The following UGGT2 variants were observed in gnomAD, a reference collection of about 807,000 sequenced individuals.
UGGT2 encodes the protein UDP-glucose:glycoprotein glucosyltransferase 2.
UGGT2 carries 180 observed loss-of-function variants against 192.1 expected under a neutral mutation model. That is an observed-to-expected ratio of 0.94 (90% CI 0.83 to 1.06). The LOEUF (loss-of-function observed/expected upper bound fraction) is 1.06. UGGT2 is among the 50% of genes least tolerant of loss of function. UGGT2 has a pLI of 0.00. For synonymous variants in UGGT2, 580 were observed against 591.0 expected, an observed-to-expected ratio of 0.98 and a Z score of 0.27; for missense variants, 1,849 against 1,795.7, an observed-to-expected ratio of 1.03 and a Z score of -0.54.
chr13:96,036,197 T>G (rs1466715752), intron 1 of UGGT2, among the ~76,000 whole-genome samples: 2 of 152,216 alleles, frequency 1.3e-5, no homozygotes, highest in Non-Finnish European at 2.9e-5. Context: ...ATGTGGTATA[T>G]ATACACTACA....
intron 4 of UGGT2, 87 bp downstream of exon 4, chr13:96,022,953 T>A: frequency 2.4e-6 from 2 of 848,648 alleles, no homozygotes; most frequent in Non-Finnish European, 3.3e-6. Context: ...TCTTAGAATA[T>A]TAAATTTTTT....
Position 95,927,128 on chromosome 13 carries a change from T to C in UGGT2, c.2102-2A>G. On this transcript the variant is annotated splice_acceptor_variant, in intron 18 of 38. Coordinates refer to ENST00000376747, the MANE Select transcript of UGGT2 (RefSeq NM_020121.4). LOFTEE classifies it high-confidence loss of function. The stretch of plus-strand genomic sequence containing the variant: ...AGAAATCTTCAACATCAGCAGTTAC[T>C]GAAAAATTTCAAATTAAACGTTAAA... 3 of 1,607,070 alleles carry C rather than the reference T, an allele frequency of 1.9e-6. No individual in the cohort carries two copies. The highest frequency in any genetic ancestry group is 1.1e-5 in the South Asian group (1 of 89,464).
At chr13:95,913,177 G>C (rs147866266) in intron 20 of UGGT2, among the ~76,000 whole-genome samples, 2 of 152,278 alleles carry the variant, frequency 1.3e-5, no homozygotes, top group African/African-American at 4.8e-5. Flanking sequence ...CATAGGCATG[G>C]TCAAGGACTT....
chr13:95,843,773 G>A (rs1030328386), intron 36 of UGGT2, among the ~76,000 whole-genome samples: 7 of 151,886 alleles, frequency 4.6e-5, no homozygotes, highest in East Asian at 1.9e-4. Context: ...AAAGTCAACC[G>A]GCCATATATG....
At chr13:95,855,106 TAAAA>T (rs10713359) in intron 34 of UGGT2, among the ~76,000 whole-genome samples, 308 of 49,934 alleles carry the variant, frequency 6.2e-3, no homozygotes, top group Middle Eastern at 0.015. Context: ...ACCCTGTCTG[TAAAA>T]AAAAAAAAAA....
chr13:95,924,829 GCA>G (rs2140425572), intron 20 of UGGT2, among the ~76,000 whole-genome samples: 1 of 152,268 alleles, frequency 6.6e-6, no homozygotes, highest in East Asian at 1.9e-4. Flanking sequence ...TCCTGCAGTG[GCA>G]TGTAAGTGAG....
chr13:96,023,294 C>G (rs187341288), intron 3 of UGGT2, 142 bp from the exon 4 acceptor site: 3 of 629,796 alleles, frequency 4.8e-6, no homozygotes, highest in East Asian at 3.4e-5. Context: ...AACATCTATA[C>G]GTAGGTAGAA....
chr13:95,987,595 A>G (rs2051328692), intron 8 of UGGT2, among the ~76,000 whole-genome samples: 1 of 152,198 alleles, frequency 6.6e-6, no homozygotes, highest in South Asian at 2.1e-4. Context: ...GAAAGAGACT[A>G]TCTGAAATTA....
intron 1 of UGGT2, among the ~76,000 whole-genome samples, chr13:96,048,389 T>C (rs2139233933): frequency 6.6e-6 from 1 of 152,168 alleles, no homozygotes; most frequent in East Asian, 1.9e-4. Flanking sequence ...GCAGGAAAGA[T>C]CTAAAATTGA....
intron 27 of UGGT2, among the ~76,000 whole-genome samples, chr13:95,878,947 G>T (rs1017807960): frequency 3.9e-5 from 6 of 152,192 alleles, no homozygotes; most frequent in African/African-American, 1.4e-4. Context: ...ATTAGTTGTT[G>T]AATTACTATT....
In UGGT2 at chr13:95,993,406, AAAATT is replaced by A. The variant is rs564318656; in HGVS notation, c.830+2652_830+2656del. ...TCTAAAATAGAAGTTGAAATAAAAT[AAAATT>A]AAATTAAAATTAAAATAGCCCAGTG... On this transcript the variant is annotated intron_variant, in intron 7 of 38. Coordinates refer to ENST00000376747, the MANE Select transcript of UGGT2 (RefSeq NM_020121.4). 5.1e-4 allele frequency among the ~76,000 whole-genome samples: 77 copies of A among 152,268 alleles called. 1 individual carries two copies. The highest frequency in any genetic ancestry group is 1.7e-3 in the African/African-American group (72 of 41,532).
At chr13:95,982,110 A>G (rs907673570) in intron 10 of UGGT2, among the ~76,000 whole-genome samples, 2 of 152,166 alleles carry the variant, frequency 1.3e-5, no homozygotes, top group Non-Finnish European at 2.9e-5. Flanking sequence ...ACAGGTAGAT[A>G]AGGTGATGGC....
intron 20 of UGGT2, among the ~76,000 whole-genome samples, chr13:95,909,371 G>A (rs927721214): frequency 6.6e-6 from 1 of 151,770 alleles, no homozygotes. Context: ...AACAATGATA[G>A]ACTGGATTAA....
At chr13:95,837,299 T>A (rs1356179199) in intron 36 of UGGT2, 97 bp from the exon 37 acceptor site, 2 of 801,700 alleles carry the variant, frequency 2.5e-6, no homozygotes, top group African/African-American at 3.4e-5. Context: ...TGTAAACAGA[T>A]CATAAAACAT....
chr13:95,955,903 C>G (rs1317556597), intron 12 of UGGT2, among the ~76,000 whole-genome samples: 1 of 152,122 alleles, frequency 6.6e-6, no homozygotes, highest in Non-Finnish European at 1.5e-5. Flanking sequence ...GTTCAAATAA[C>G]CTTTTAGTGT....
intron 37 of UGGT2, 69 bp from the exon 38 acceptor site, chr13:95,833,122 A>G (rs1886905885): frequency 6.6e-7 from 1 of 1,519,672 alleles, no homozygotes; most frequent in African/African-American, 1.4e-5. Context: ...ATGCTGTGTC[A>G]CTAGGGCAAA....
At chr13:95,970,291 T>G in intron 11 of UGGT2, 29 bp from the exon 12 acceptor site, 2 of 1,562,044 alleles carry the variant, frequency 1.3e-6, no homozygotes, top group Non-Finnish European at 1.7e-6. Context: ...AACAGTTTTA[T>G]TTTGATTTTC....
intron 2 of UGGT2, among the ~76,000 whole-genome samples, chr13:96,029,890 T>C (rs1283031565): frequency 1.3e-5 from 2 of 152,226 alleles, no homozygotes; most frequent in African/African-American, 2.4e-5. Flanking sequence ...GACAGATATA[T>C]TGAGGATTTT....
At chr13:95,933,674 A>ATT (rs201578749) in intron 17 of UGGT2, among the ~76,000 whole-genome samples, 2 of 128,928 alleles carry the variant, frequency 1.6e-5, no homozygotes, top group Non-Finnish European at 3.6e-5. Flanking sequence ...ATAGTTCTAA[A>ATT]TTTTTTTGTT....
Sources: allele counts gnomAD v4.1 joint callset (sites outside exome capture counted in the v4.1 genomes callset), GRCh38; gene constraint gnomAD v4.1.1; transcripts MANE v1.5; gene names NCBI Gene and HGNC (gene_info 2026-07-23, HGNC 2026-07-21).